Variants in PLCXD3 observed in about 807,000 individuals in gnomAD.
PLCXD3 encodes the protein phosphatidylinositol specific phospholipase C X domain containing 3.
PLCXD3 carries 19 observed loss-of-function variants against 25.5 expected under a neutral mutation model. That is an observed-to-expected ratio of 0.75 (90% CI 0.52 to 1.09). The LOEUF is 1.09. Among genes scored for constraint, PLCXD3 ranks in the 50% least tolerant of loss-of-function variants. The pLI is 0.00. For synonymous variants in PLCXD3, 174 were observed against 137.6 expected, an observed-to-expected ratio of 1.26 and a Z score of -1.85; for missense variants, 411 against 388.1, an observed-to-expected ratio of 1.06 and a Z score of -0.50.
chr5:41,326,616 T>C (rs1442655799), intron 2 of PLCXD3, among the ~76,000 whole-genome samples: 1 of 152,152 alleles, frequency 6.6e-6, no homozygotes, highest in Non-Finnish European at 1.5e-5. Flanking sequence ...CTTCTTCCAA[T>C]ACCCTTCTTG....
At position 41,465,350 on chromosome 5, in the gene PLCXD3, T is replaced by C. The variant is rs535229420; in HGVS notation, c.103+45074A>G. On this transcript the variant is annotated intron_variant, in intron 1 of 2. Transcript: ENST00000377801. ...AGTTCCTACTTTCCCCACTAGTTCT[T>C]GTCTTTTTTTTTTTTTTTTTTTTTT... Among the ~76,000 whole-genome samples the C allele has an allele frequency of 9.7e-4, 117 of 121,048 alleles. 1 individual carries two copies. The highest frequency in any genetic ancestry group is 3.0e-3 in the African/African-American group (103 of 34,100). The allele number at this position is 121,048 out of a possible 152,430, so 79.4% of individuals were successfully genotyped here.
rs900137195 is a variant in PLCXD3 at position 41,420,227 on chromosome 5, T to C, written c.104-37693A>G. On this transcript the variant is annotated intron_variant, in intron 1 of 2. Transcript: ENST00000377801. Reference sequence around the variant, plus strand: ...CAAGAAAGAACTCCTAAATATATATTAACTAGAGAGTAAAACAAAAGGGAA... The same window carrying C: ...CAAGAAAGAACTCCTAAATATATATCAACTAGAGAGTAAAACAAAAGGGAA... 4.7e-4 allele frequency among the ~76,000 whole-genome samples: 72 copies of C among 152,246 alleles called. 1 individual carries two copies. Among genetic ancestry groups the C allele is most frequent in the African/African-American group, 1.4e-3 (57 of 41,542 alleles).
At chr5:41,486,486 A>G (rs1383357698) in intron 1 of PLCXD3, among the ~76,000 whole-genome samples, 1 of 152,122 alleles carries the variant, frequency 6.6e-6, no homozygotes, top group African/African-American at 2.4e-5. Flanking sequence ...GCTAGACACA[A>G]TAAGTTAACT....
chr5:41,475,855 G>T (rs1748272239), intron 1 of PLCXD3, among the ~76,000 whole-genome samples: 1 of 152,164 alleles, frequency 6.6e-6, no homozygotes, highest in Non-Finnish European at 1.5e-5. Context: ...TAAGACAAAA[G>T]AAACTGTTTT....
intron 1 of PLCXD3, among the ~76,000 whole-genome samples, chr5:41,427,906 A>G (rs1409614124): frequency 1.3e-5 from 2 of 152,192 alleles, no homozygotes; most frequent in Non-Finnish European, 1.5e-5. Context: ...TTTTTAATGT[A>G]ATCAAAATCA....
intron 2 of PLCXD3, among the ~76,000 whole-genome samples, chr5:41,328,883 A>G (rs913153244): frequency 6.6e-6 from 1 of 152,172 alleles, no homozygotes; most frequent in Non-Finnish European, 1.5e-5. Context: ...CAATGTGCTG[A>G]CCTTGACTTG....
chr5:41,336,856 C>A (rs1201788706), intron 2 of PLCXD3, among the ~76,000 whole-genome samples: 1 of 152,104 alleles, frequency 6.6e-6, no homozygotes, highest in Non-Finnish European at 1.5e-5. Context: ...TTCCTGTACT[C>A]TCCCATAGGT....
At chr5:41,492,496 G>C (rs1001649738) in intron 1 of PLCXD3, among the ~76,000 whole-genome samples, 4 of 149,054 alleles carry the variant, frequency 2.7e-5, no homozygotes, top group African/African-American at 5.0e-5. Flanking sequence ...TGCTAGATTG[G>C]GGAAGTTCTC....
chr5:41,415,287 C>T (rs1161382847), intron 1 of PLCXD3, among the ~76,000 whole-genome samples: 1 of 152,164 alleles, frequency 6.6e-6, no homozygotes, highest in Non-Finnish European at 1.5e-5. Context: ...TTCAAGACCT[C>T]CCAGAAGTTT....
chr5:41,359,829 G>T (rs1343379843), intron 2 of PLCXD3, among the ~76,000 whole-genome samples: 1 of 152,056 alleles, frequency 6.6e-6, no homozygotes, highest in Non-Finnish European at 1.5e-5. Context: ...TAATCTCTTT[G>T]TGATGAATTT....
intron 1 of PLCXD3, among the ~76,000 whole-genome samples, chr5:41,482,506 C>T (rs1748435550): frequency 6.6e-6 from 1 of 152,128 alleles, no homozygotes. Flanking sequence ...AAGTATAATA[C>T]ATTAGTCTGA....
chr5:41,389,732 TTG>T (rs1449156250), intron 1 of PLCXD3, among the ~76,000 whole-genome samples: 1 of 152,196 alleles, frequency 6.6e-6, no homozygotes, highest in East Asian at 1.9e-4. Context: ...TGTGATGAAT[TTG>T]TGTTTCTTTT....
intron 1 of PLCXD3, among the ~76,000 whole-genome samples, chr5:41,472,896 C>A (rs539513904): frequency 1.1e-4 from 16 of 152,008 alleles, no homozygotes; most frequent in Non-Finnish European, 2.2e-4. Context: ...ATATAAGGAA[C>A]AATTTTTTTT....
At chr5:41,436,690 C>T (rs1487357928) in intron 1 of PLCXD3, among the ~76,000 whole-genome samples, 2 of 152,162 alleles carry the variant, frequency 1.3e-5, no homozygotes, top group Admixed American at 1.3e-4. Context: ...AGGTGCACAA[C>T]AACAGTGTGT....
chr5:41,337,171 C>T (rs1188015802), intron 2 of PLCXD3, among the ~76,000 whole-genome samples: 1 of 152,136 alleles, frequency 6.6e-6, no homozygotes, highest in Non-Finnish European at 1.5e-5. Context: ...GTGTACCGTA[C>T]ATACCCACGT....
chr5:41,371,742 T>C (rs1340915186), intron 2 of PLCXD3, among the ~76,000 whole-genome samples: 1 of 152,134 alleles, frequency 6.6e-6, no homozygotes, highest in Non-Finnish European at 1.5e-5. Context: ...ACAAAATATT[T>C]ATGTCTCTTC....
chr5:41,376,671 C>T (rs1335578442), intron 2 of PLCXD3, among the ~76,000 whole-genome samples: 2 of 152,122 alleles, frequency 1.3e-5, no homozygotes, highest in Non-Finnish European at 2.9e-5. Flanking sequence ...CAGCCAAAAT[C>T]TTTCCAGATA....
At chr5:41,358,063 G>C (rs1256664209) in intron 2 of PLCXD3, among the ~76,000 whole-genome samples, 1 of 152,194 alleles carries the variant, frequency 6.6e-6, no homozygotes, top group Non-Finnish European at 1.5e-5. Flanking sequence ...TATTGTTAAT[G>C]AAAGCTAACA....
intron 1 of PLCXD3, among the ~76,000 whole-genome samples, chr5:41,426,855 A>C (rs1746966585): frequency 6.6e-6 from 1 of 152,058 alleles, no homozygotes; most frequent in African/African-American, 2.4e-5. Context: ...TTTTTTCTGA[A>C]AATGTCTATA....
Sources: gnomAD v4.1 joint callset for allele counts (sites outside exome capture counted in the v4.1 genomes callset) on GRCh38, gnomAD v4.1.1 for gene constraint, MANE v1.5 for transcripts, NCBI Gene and HGNC (gene_info 2026-07-23, HGNC 2026-07-21) for gene names.